SHH: variants seen among roughly 807,000 people sequenced by gnomAD.
SHH encodes sonic hedgehog signaling molecule.
A neutral mutation model predicts 16.6 loss-of-function variants in SHH; 3 were observed. That is an observed-to-expected ratio of 0.18 (90% CI 0.08 to 0.47). The LOEUF (loss-of-function observed/expected upper bound fraction) is 0.47, where lower values mean the gene tolerates loss of function less well. SHH is among the 20% of genes least tolerant of loss of function. The pLI is 0.98. For missense variants in SHH, 499 were observed against 665.0 expected, an observed-to-expected ratio of 0.75 and a Z score of 2.75; for synonymous variants, 351 against 316.2, an observed-to-expected ratio of 1.11 and a Z score of -1.17.
rs1272807493 is a variant in SHH at position 155,800,149 on chromosome 7, C to G, written c.*2751G>C. ...GCACAAACTCTTGGCTCCGTCAACC[C>G]TGAATGAGAAGTCGGCGCCTCGTCC... On this transcript the variant is annotated 3_prime_UTR_variant, in exon 3 of 3. Transcript: ENST00000297261. The G allele has an allele frequency of 2.1e-6, 1 of 471,570 alleles. No individual in the cohort carries two copies. The highest frequency in any genetic ancestry group is 4.4e-6 in the Non-Finnish European group (1 of 227,166). 29.2% of individuals were successfully genotyped at this position (471,570 alleles called of 1,614,324 possible).
At chr7:155,810,320 C>T (rs1410638638) in intron 1 of SHH, among the ~76,000 whole-genome samples, 1 of 152,222 alleles carries the variant, frequency 6.6e-6, no homozygotes, top group Non-Finnish European at 1.5e-5. Flanking sequence ...GGTATCCACG[C>T]CCCCGCCGCT....
intron 2 of SHH, among the ~76,000 whole-genome samples, chr7:155,805,228 C>A (rs1002234489): frequency 2.0e-5 from 3 of 152,150 alleles, no homozygotes; most frequent in African/African-American, 7.2e-5. Context: ...GGCCCAGGGG[C>A]CGCCGCCGAG....
At position 155,803,007 on chromosome 7, in the gene SHH, C is replaced by A. The variant is rs759519347; in HGVS notation, c.1282G>T (p.Ala428Ser). 1 of 1,564,890 alleles carries A rather than the reference C, an allele frequency of 6.4e-7. No individual in the cohort carries two copies. Among genetic ancestry groups the A allele is most frequent in the African/African-American group, 1.4e-5 (1 of 71,680 alleles). Residue 428 changes from alanine (A) to serine (S), a missense_variant, in exon 3 of 3, where the codon GCC becomes TCC. By Grantham distance (99) the Ala-to-Ser change is moderately conservative (BLOSUM62 1). Transcript: ENST00000297261. ...GAGTACCAGTGGATGCCCGCGGTGG[C>A]CCCCGCACCCGGAGCGTCGGCAGCA... ...PGAADAPGAG[A>S]TAGIHWYSQL...
intron 2 of SHH, 52 bp from the exon 3 acceptor site, chr7:155,803,778 A>G: frequency 6.7e-7 from 1 of 1,491,282 alleles, no homozygotes; most frequent in Non-Finnish European, 9.2e-7. Flanking sequence ...GAGTTCCGAG[A>G]GGGAGGCGCG....
chr7:155,811,417 C>T (rs1803520544), intron 1 of SHH, among the ~76,000 whole-genome samples: 1 of 152,204 alleles, frequency 6.6e-6, no homozygotes, highest in Non-Finnish European at 1.5e-5. Flanking sequence ...CAGGAGACCA[C>T]TTCATGTTTG....
chr7:155,808,612 C>T (rs909100927), intron 1 of SHH, among the ~76,000 whole-genome samples: 8 of 152,286 alleles, frequency 5.3e-5, no homozygotes, highest in African/African-American at 1.9e-4. Context: ...CTCCGCGCGG[C>T]CTCGGCTGGC....
intron 1 of SHH, among the ~76,000 whole-genome samples, chr7:155,810,887 G>A (rs527547048): frequency 6.6e-6 from 1 of 152,366 alleles, no homozygotes; most frequent in South Asian, 2.1e-4. Context: ...TCAGTTATAC[G>A]TGCATGGAGT....
chr7:155,802,005 G>A lies in SHH; in HGVS notation c.*895C>T, dbSNP rs112379481. 1 of 144,316 alleles carries A rather than the reference G, an allele frequency of 6.9e-6. No homozygotes were observed. Among genetic ancestry groups the A allele is most frequent in the Admixed American group, 7.2e-5 (1 of 13,842 alleles). 8.9% of individuals were successfully genotyped at this position (144,316 alleles called of 1,614,324 possible). A position where few individuals can be genotyped will look rare whatever the true frequency, so the allele number is the denominator to read the frequency against. The stretch of plus-strand genomic sequence containing the variant: ...TCCATCCTCGTGGGCTCGTCACTAT[G>A]TGCGCTTTTAAAAAATATTATTTTC... On this transcript the variant is annotated 3_prime_UTR_variant, in exon 3 of 3. Transcript: ENST00000297261.
At chr7:155,806,712 G>A (rs1440472565) in intron 1 of SHH, 155 bp from the exon 2 acceptor site, 1 of 889,274 alleles carries the variant, frequency 1.1e-6, no homozygotes, top group South Asian at 1.4e-5. Flanking sequence ...CAGACACACC[G>A]AAGAGCCGGG....
intron 2 of SHH, among the ~76,000 whole-genome samples, chr7:155,805,819 G>A (rs1376411051): frequency 6.6e-6 from 1 of 152,240 alleles, no homozygotes. Flanking sequence ...GGCAGCTTAG[G>A]ATCCACGGGC....
At chr7:155,805,581 G>A (rs1232603394) in intron 2 of SHH, among the ~76,000 whole-genome samples, 1 of 152,218 alleles carries the variant, frequency 6.6e-6, no homozygotes, top group African/African-American at 2.4e-5. Flanking sequence ...TTGCGTGCGC[G>A]CGATGGCGCC....
Position 155,802,222 on chromosome 7 carries a change from T to C in SHH, c.*678A>G, listed in dbSNP as rs1803201250. ...GAAACCATAAAGACAACAGAGGAGATGGCTGTTACATCGGAAACTAGTTAA... is the reference window on the plus strand; with the variant it reads ...GAAACCATAAAGACAACAGAGGAGACGGCTGTTACATCGGAAACTAGTTAA... On this transcript the variant is annotated 3_prime_UTR_variant, in exon 3 of 3. Transcript: ENST00000297261. 1 of 152,146 alleles carries C rather than the reference T, an allele frequency of 6.6e-6. No homozygotes were observed. Among genetic ancestry groups the C allele is most frequent in the South Asian group, 2.1e-4 (1 of 4,824 alleles). The allele number at this position is 152,146 out of a possible 1,614,324, so 9.4% of individuals were successfully genotyped here.
chr7:155,812,375 A>G lies in SHH; in HGVS notation c.-253T>C, dbSNP rs1803542352. On this transcript the variant is annotated 5_prime_UTR_variant, in exon 1 of 3. Coordinates refer to ENST00000297261, the MANE Select transcript of SHH (RefSeq NM_000193.4). Reference sequence around the variant, plus strand: ...GAATGGCAGGCTGCCGGCCGCTGATAACGGAACACATCGGAGTTGGGTCGC... The same window carrying G: ...GAATGGCAGGCTGCCGGCCGCTGATGACGGAACACATCGGAGTTGGGTCGC... The G allele has an allele frequency of 1.7e-6, 1 of 580,730 alleles. No individual in the cohort carries two copies. 36.0% of individuals were successfully genotyped at this position (580,730 alleles called of 1,614,324 possible).
At position 155,802,820 on chromosome 7, in the gene SHH, T is replaced by C; in HGVS notation, c.*80A>G. 1.1e-6 allele frequency: 1 copy of C among 906,954 alleles called. No individual in the cohort carries two copies. The highest frequency in any genetic ancestry group is 1.5e-6 in the Non-Finnish European group (1 of 652,312). The allele number at this position is 906,954 out of a possible 1,614,324, so 56.2% of individuals were successfully genotyped here. On this transcript the variant is annotated 3_prime_UTR_variant, in exon 3 of 3. Transcript: ENST00000297261. ...TAACTCAGTCTGGTTCGTGCGCCTTTTCCGAGTGTCTTTTTGCTTTGCGTT... is the reference window on the plus strand; with the variant it reads ...TAACTCAGTCTGGTTCGTGCGCCTTCTCCGAGTGTCTTTTTGCTTTGCGTT...
In SHH at chr7:155,812,042, G is replaced by T; in HGVS notation, c.81C>A (p.Gly27=). ...LVCSGLACGP[G]RGFGKRRHPK... Reference sequence around the variant, plus strand: ...GGTGCCTCCTCTTCCCGAACCCCCTGCCCGGTCCGCACGCCAGTCCCGAGC... The same window carrying T: ...GGTGCCTCCTCTTCCCGAACCCCCTTCCCGGTCCGCACGCCAGTCCCGAGC... Residue 27 remains glycine, a synonymous_variant, in exon 1 of 3, where the codon GGC becomes GGA. Coordinates refer to ENST00000297261, the MANE Select transcript of SHH (RefSeq NM_000193.4). 6.2e-7 allele frequency: 1 copy of T among 1,614,116 alleles called. No individual in the cohort carries two copies. The highest frequency in any genetic ancestry group is 1.3e-5 in the African/African-American group (1 of 75,058).
At chr7:155,806,068 C>G (rs1472288371) in intron 2 of SHH, among the ~76,000 whole-genome samples, 1 of 152,208 alleles carries the variant, frequency 6.6e-6, no homozygotes, top group African/African-American at 2.4e-5. Flanking sequence ...AGCCACAGGA[C>G]CCCATCTCGG....
At chr7:155,805,862 G>A (rs567720059) in intron 2 of SHH, among the ~76,000 whole-genome samples, 3 of 152,338 alleles carry the variant, frequency 2.0e-5, no homozygotes, top group South Asian at 4.1e-4. Flanking sequence ...CGCGGGCTCC[G>A]GGGCAGGATA....
intron 2 of SHH, among the ~76,000 whole-genome samples, chr7:155,804,133 G>C (rs1221345447): frequency 1.3e-5 from 2 of 151,844 alleles, no homozygotes; most frequent in Non-Finnish European, 2.9e-5. Flanking sequence ...GAGCTCCCGC[G>C]GGCGCCGGGC....
chr7:155,808,756 C>T (rs1245140681), intron 1 of SHH, among the ~76,000 whole-genome samples: 1 of 152,234 alleles, frequency 6.6e-6, no homozygotes. Context: ...CCCAGCAGGG[C>T]CGCCGGGGCC....
Sources: allele counts gnomAD v4.1 joint callset (sites outside exome capture counted in the v4.1 genomes callset), GRCh38; gene constraint gnomAD v4.1.1; transcripts MANE v1.5; gene names NCBI Gene and HGNC (gene_info 2026-07-23, HGNC 2026-07-21).